ACSL5: variants seen among roughly 807,000 people sequenced by gnomAD.
ACSL5 encodes the protein acyl-CoA synthetase long chain family member 5.
In ACSL5, 50 loss-of-function variants were observed where a neutral mutation model predicts 84.9. The ratio of observed to expected loss-of-function variants is 0.59; its 90% CI spans 0.47 to 0.75. The LOEUF is 0.75. Among genes scored for constraint, ACSL5 ranks in the 30% least tolerant of loss-of-function variants. The pLI, the probability that ACSL5 is intolerant of heterozygous loss-of-function variation, is 0.00. For missense variants in ACSL5, 775 were observed against 830.4 expected (o/e 0.93, Z 0.82); for synonymous variants, 280 against 300.7 (o/e 0.93, Z 0.71).
intron 1 of ACSL5, among the ~76,000 whole-genome samples, chr10:112,376,691 G>A (rs994583068): frequency 9.9e-5 from 15 of 152,096 alleles, no homozygotes; most frequent in African/African-American, 7.2e-5. Context: ...TCCTTCTCTC[G>A]ACTCTCTTGG....
At chr10:112,416,809 C>G (rs982667334) in intron 12 of ACSL5, 79 bp from the exon 13 acceptor site, 9 of 1,486,244 alleles carry the variant, frequency 6.1e-6, no homozygotes, top group Non-Finnish European at 8.4e-6. Context: ...AAAGCTAGAA[C>G]ACACTGTTTC....
intron 11 of ACSL5, 83 bp from the exon 12 acceptor site, chr10:112,413,090 C>G (rs955803144): frequency 1.3e-6 from 2 of 1,497,560 alleles, no homozygotes; most frequent in African/African-American, 1.4e-5. Context: ...TTGCCTCAGC[C>G]CACCTCCTGA....
At chr10:112,377,815 C>T (rs1273717047) in intron 1 of ACSL5, among the ~76,000 whole-genome samples, 1 of 152,088 alleles carries the variant, frequency 6.6e-6, no homozygotes, top group African/African-American at 2.4e-5. Context: ...GCTTATAGGA[C>T]AGGCAAGTAA....
intron 3 of ACSL5, among the ~76,000 whole-genome samples, chr10:112,401,792 CTTTCTTTCTTTCTTTCTT>C (rs1843901817): frequency 7.4e-5 from 7 of 94,756 alleles, no homozygotes; most frequent in African/African-American, 1.5e-4. Context: ...CTTTCTCTTT[CTTTCTTTCTTTCTTTCTT>C]TCTTTCTTTC....
At chr10:112,388,612 G>A (rs1432337021) in intron 1 of ACSL5, among the ~76,000 whole-genome samples, 1 of 152,136 alleles carries the variant, frequency 6.6e-6, no homozygotes, top group South Asian at 2.1e-4. Context: ...GGCATGGTGG[G>A]GGCATCAGAG....
chr10:112,425,622 A>G (rs1329813056), intron 18 of ACSL5, 141 bp downstream of exon 18: 2 of 778,398 alleles, frequency 2.6e-6, no homozygotes, highest in African/African-American at 1.8e-5. Context: ...ATGAAGTTAC[A>G]TTCCAAACCT....
Position 112,425,486 on chromosome 10 carries a change from TATATC to T in ACSL5, c.1737+8_1737+12del. 1 of 1,598,290 alleles carries T rather than the reference TATATC, an allele frequency of 6.3e-7. No individual in the cohort carries two copies. Among genetic ancestry groups the T allele is most frequent in the African/African-American group, 1.4e-5 (1 of 74,020 alleles). The stretch of plus-strand genomic sequence containing the variant: ...GTACACGGGGAGAGCTTACGGGTAA[TATATC>T]ATTTTAACAATAGCCCATTTCAGTC... On this transcript the variant is annotated splice_donor_region_variant and intron_variant, in intron 18 of 20. Coordinates refer to ENST00000354655, the MANE Select transcript of ACSL5 (RefSeq NM_203379.2).
chr10:112,422,758 A>C (rs896950822), intron 17 of ACSL5, among the ~76,000 whole-genome samples: 1 of 151,268 alleles, frequency 6.6e-6, no homozygotes, highest in Non-Finnish European at 1.5e-5. Flanking sequence ...TGGGAGGCTG[A>C]GGCAGGAGAA....
At chr10:112,407,107 T>A (rs1844057344) in intron 5 of ACSL5, among the ~76,000 whole-genome samples, 1 of 152,180 alleles carries the variant, frequency 6.6e-6, no homozygotes, top group Non-Finnish European at 1.5e-5. Flanking sequence ...TTTACTATCA[T>A]GAGAATAGCA....
intron 1 of ACSL5, chr10:112,376,546 G>A (rs552569936): frequency 2.6e-5 from 40 of 1,539,914 alleles, no homozygotes; most frequent in South Asian, 8.4e-5. Flanking sequence ...TTCTTTAAGC[G>A]ACTTAGAATC....
At chr10:112,399,446 T>C (rs975110357) in intron 3 of ACSL5, among the ~76,000 whole-genome samples, 1 of 152,178 alleles carries the variant, frequency 6.6e-6, no homozygotes, top group African/African-American at 2.4e-5. Context: ...GGACTAGCAG[T>C]CCAGGATTCC....
intron 1 of ACSL5, chr10:112,394,622 C>G: frequency 1.7e-6 from 1 of 597,406 alleles, no homozygotes; most frequent in South Asian, 7.5e-5. Flanking sequence ...AAAAGGCAGT[C>G]ATTTCTCAAA....
At chr10:112,419,128 GTGTA>G (rs563690876) in intron 14 of ACSL5, among the ~76,000 whole-genome samples, 16,141 of 149,834 alleles carry the variant, frequency 0.11, 1,127 homozygotes, top group Middle Eastern at 0.19. Context: ...GTGTGTGTGT[GTGTA>G]ATAATGTATA....
In ACSL5 at chr10:112,398,900, G is replaced by A; in HGVS notation, c.157-1G>A. ...GGCCTAAACTTGGTCTTGTGTCTTAGGGAGGAGCACGGAAGGGGGTTTCCC... is the reference window on the plus strand; with the variant it reads ...GGCCTAAACTTGGTCTTGTGTCTTAAGGAGGAGCACGGAAGGGGGTTTCCC... On this transcript the variant is annotated splice_acceptor_variant, in intron 2 of 20. Transcript: ENST00000354655. LOFTEE classifies it high-confidence loss of function. 1 of 1,613,878 alleles carries A rather than the reference G, an allele frequency of 6.2e-7. No individual in the cohort carries two copies. The highest frequency in any genetic ancestry group is 8.5e-7 in the Non-Finnish European group (1 of 1,179,810).
intron 3 of ACSL5, among the ~76,000 whole-genome samples, chr10:112,399,285 A>T (rs1843820098): frequency 6.6e-6 from 1 of 152,218 alleles, no homozygotes; most frequent in South Asian, 2.1e-4. Context: ...TCTCAACACA[A>T]GAAGAACGTC....
intron 13 of ACSL5, among the ~76,000 whole-genome samples, chr10:112,417,454 G>A (rs969101189): frequency 2.0e-5 from 3 of 150,472 alleles, no homozygotes; most frequent in Non-Finnish European, 4.4e-5. Flanking sequence ...AGTGAACTGA[G>A]ATAGCACCAC....
In ACSL5 at chr10:112,427,320, AC is replaced by A; in HGVS notation, c.2017del (p.Gln673LysfsTer27). 1 of 1,613,708 alleles carries A rather than the reference AC, an allele frequency of 6.2e-7. No individual in the cohort carries two copies. Among genetic ancestry groups the A allele is most frequent in the African/African-American group, 1.3e-5 (1 of 74,976 alleles). ...KRGELSKYFR[T>X]QIDSLYEHIQ... ...AGGAGAGCTTTCCAAATACTTTCGG[AC>A]CCAAATTGACAGCCTGTATGAGCAC... is the stretch of plus-strand genomic sequence containing the variant. On this transcript the variant is annotated frameshift_variant, in exon 21 of 21. Transcript: ENST00000354655. LOFTEE classifies it high-confidence loss of function.
chr10:112,416,687 C>A (rs1219912888), intron 12 of ACSL5, among the ~76,000 whole-genome samples: 1 of 152,000 alleles, frequency 6.6e-6, no homozygotes, highest in African/African-American at 2.4e-5. Context: ...AGTGGGAGGA[C>A]TGGAGCTCTG....
Position 112,389,868 on chromosome 10 carries a change from A to G in ACSL5, c.-29-5050A>G, listed in dbSNP as rs2148492. ...TTAAACAGTGAGAGAGTTACATGAT[A>G]TGGTTGCAAATCCTCTCAGCGCTAA... On this transcript the variant is annotated intron_variant, in intron 1 of 20. Coordinates refer to ENST00000354655, the MANE Select transcript of ACSL5 (RefSeq NM_203379.2). 3.3e-4 allele frequency among the ~76,000 whole-genome samples: 51 copies of G among 152,254 alleles called. 2 individuals carry two copies. The South Asian group carries it at 7.9e-3, about 23-fold the overall frequency.
Sources: allele counts gnomAD v4.1 joint callset (sites outside exome capture counted in the v4.1 genomes callset), GRCh38; gene constraint gnomAD v4.1.1; transcripts MANE v1.5; gene names NCBI Gene and HGNC (gene_info 2026-07-23, HGNC 2026-07-21).